Variants in TRAK2 observed in about 807,000 individuals in gnomAD.
The protein encoded by TRAK2 is trafficking kinesin-binding protein 2.
TRAK2 carries 81 observed loss-of-function variants against 104.6 expected under a neutral mutation model. The observed-to-expected ratio is 0.77, with a 90% CI of 0.65 to 0.93. The LOEUF (loss-of-function observed/expected upper bound fraction) is 0.93, where lower values mean the gene tolerates loss of function less well. Ranked by LOEUF, TRAK2 falls within the 40% of genes least tolerant of loss-of-function variation. The pLI is 0.00. For missense variants in TRAK2, 1,002 were observed against 1,089.0 expected (o/e 0.92, Z 1.12); for synonymous variants, 406 against 394.4 (o/e 1.03, Z -0.35).
At chr2:201,416,447 T>C (rs1387470520) in intron 2 of TRAK2, among the ~76,000 whole-genome samples, 4 of 151,870 alleles carry the variant, frequency 2.6e-5, no homozygotes, top group African/African-American at 7.3e-5. Context: ...CAGAAAACTA[T>C]GGCTATTCAT....
chr2:201,394,689 G>A, intron 9 of TRAK2, 109 bp downstream of exon 9: 1 of 948,054 alleles, frequency 1.1e-6, no homozygotes. Flanking sequence ...ACCTTTTGTT[G>A]TTGTTTTTTA....
At chr2:201,418,894 G>A (rs563616512) in intron 2 of TRAK2, among the ~76,000 whole-genome samples, 6 of 152,124 alleles carry the variant, frequency 3.9e-5, no homozygotes, top group Non-Finnish European at 7.4e-5. Context: ...ATTTAAAACC[G>A]CTCTTCAAAA....
At chr2:201,406,467 A>T (rs1422177178) in intron 3 of TRAK2, among the ~76,000 whole-genome samples, 1 of 152,226 alleles carries the variant, frequency 6.6e-6, no homozygotes, top group East Asian at 1.9e-4. Flanking sequence ...GTTCTAAGAA[A>T]CGACTAGAAA....
chr2:201,449,420 A>G (rs184662693), intron 1 of TRAK2, among the ~76,000 whole-genome samples: 20 of 152,114 alleles, frequency 1.3e-4, no homozygotes, highest in Non-Finnish European at 2.2e-4. Flanking sequence ...TAAGTGAGCT[A>G]AAGTATGAAG....
chr2:201,430,094 C>G (rs1210921489), intron 1 of TRAK2, among the ~76,000 whole-genome samples: 1 of 152,238 alleles, frequency 6.6e-6, no homozygotes, highest in Admixed American at 6.5e-5. Flanking sequence ...TGAAGGTCCA[C>G]TCCAGACGCT....
intron 2 of TRAK2, chr2:201,413,197 T>A: frequency 6.6e-7 from 1 of 1,512,918 alleles, no homozygotes. Context: ...CCACTGGCAA[T>A]GTGCTGACCA....
At chr2:201,387,145 C>T (rs1409520530) in intron 13 of TRAK2, among the ~76,000 whole-genome samples, 1 of 152,122 alleles carries the variant, frequency 6.6e-6, no homozygotes, top group Non-Finnish European at 1.5e-5. Flanking sequence ...TCATTTAATG[C>T]AGAACTCTTT....
intron 1 of TRAK2, among the ~76,000 whole-genome samples, chr2:201,435,142 C>T (rs368197865): frequency 2.0e-5 from 3 of 152,120 alleles, no homozygotes; most frequent in African/African-American, 4.8e-5. Context: ...CTGCAACCTT[C>T]GCCTCCTGGG....
intron 14 of TRAK2, among the ~76,000 whole-genome samples, chr2:201,385,960 A>G (rs1951385160): frequency 6.6e-6 from 1 of 152,258 alleles, no homozygotes; most frequent in Non-Finnish European, 1.5e-5. Context: ...TTTTTAGAGT[A>G]TAAAGAGTTT....
chr2:201,433,278 A>C (rs1951856705), intron 1 of TRAK2, among the ~76,000 whole-genome samples: 1 of 152,216 alleles, frequency 6.6e-6, no homozygotes, highest in Non-Finnish European at 1.5e-5. Context: ...ATCCAGCTGC[A>C]CCGATGCCGC....
intron 2 of TRAK2, among the ~76,000 whole-genome samples, chr2:201,416,998 G>A (rs1425245893): frequency 7.0e-6 from 1 of 143,052 alleles, no homozygotes; most frequent in Non-Finnish European, 1.5e-5. Flanking sequence ...AAGTACAGAT[G>A]ATCAGACTGG....
At chr2:201,420,176 T>C (rs1401306677) in intron 2 of TRAK2, among the ~76,000 whole-genome samples, 2 of 152,142 alleles carry the variant, frequency 1.3e-5, no homozygotes, top group Non-Finnish European at 2.9e-5. Context: ...CAGCTACTAC[T>C]CACCGGGGGT....
Position 201,386,870 on chromosome 2 carries a change from G to A in TRAK2, c.1697-386C>T, listed in dbSNP as rs2125641199. The stretch of plus-strand genomic sequence containing the variant: ...TGGAACTATGCCTATGAAGGTGAAA[G>A]TCAAAAGCCAGGCTCCCAGGGAGAA... On this transcript the variant is annotated intron_variant, in intron 13 of 15. Coordinates refer to ENST00000332624, the MANE Select transcript of TRAK2 (RefSeq NM_015049.3). 1.3e-5 allele frequency among the ~76,000 whole-genome samples: 2 copies of A among 152,334 alleles called. 1 individual carries two copies.
chr2:201,443,845 AG>A (rs1316092011), intron 1 of TRAK2, among the ~76,000 whole-genome samples: 3 of 152,158 alleles, frequency 2.0e-5, no homozygotes, highest in Non-Finnish European at 4.4e-5. Context: ...GGCCTTAAAC[AG>A]GGTTCTTCTC....
intron 2 of TRAK2, chr2:201,410,442 C>A: frequency 1.7e-6 from 1 of 605,356 alleles, no homozygotes; most frequent in Non-Finnish European, 2.9e-6. Flanking sequence ...GTCACAGAAC[C>A]ATTCACTGTC....
chr2:201,438,504 G>C (rs1043548735), intron 1 of TRAK2, among the ~76,000 whole-genome samples: 1 of 152,126 alleles, frequency 6.6e-6, no homozygotes. Context: ...TTAAGGCTTA[G>C]AGGTTAATTA....
At chr2:201,387,042 T>A (rs1951398002) in intron 13 of TRAK2, among the ~76,000 whole-genome samples, 1 of 152,226 alleles carries the variant, frequency 6.6e-6, no homozygotes, top group African/African-American at 2.4e-5. Context: ...AAATGGCAAC[T>A]CCAACAAATA....
At chr2:201,386,197 T>G in intron 14 of TRAK2, 21 bp downstream of exon 14, 1 of 1,613,226 alleles carries the variant, frequency 6.2e-7, no homozygotes, top group Non-Finnish European at 8.5e-7. Context: ...TATACCATAT[T>G]CAACCAGACA....
intron 4 of TRAK2, among the ~76,000 whole-genome samples, 191 bp downstream of exon 4, chr2:201,400,827 T>G (rs1951544347): frequency 6.6e-6 from 1 of 152,056 alleles, no homozygotes; most frequent in South Asian, 2.1e-4. Flanking sequence ...CTAAAAATCC[T>G]GTATAGCATT....
Sources: allele counts gnomAD v4.1 joint callset (sites outside exome capture counted in the v4.1 genomes callset), GRCh38; gene constraint gnomAD v4.1.1; transcripts MANE v1.5; gene names NCBI Gene and HGNC (gene_info 2026-07-23, HGNC 2026-07-21).